The following MARCHF1 variants were observed in gnomAD, a reference collection of about 807,000 sequenced individuals.
The protein encoded by MARCHF1 is membrane associated ring-CH-type finger 1.
A neutral mutation model predicts 54.2 loss-of-function variants in MARCHF1; 40 were observed. The ratio of observed to expected loss-of-function variants is 0.74; its 90% confidence interval spans 0.57 to 0.96. The LOEUF (loss-of-function observed/expected upper bound fraction) is 0.96. Ranked by LOEUF, MARCHF1 falls within the 40% of genes least tolerant of loss-of-function variation. MARCHF1 has a pLI of 0.00. For missense variants in MARCHF1, 586 were observed against 656.5 expected, an observed-to-expected ratio of 0.89 and a Z score of 1.17; for synonymous variants, 236 against 236.3, an observed-to-expected ratio of 1.00 and a Z score of 0.01.
intron 1 of MARCHF1, among the ~76,000 whole-genome samples, chr4:164,117,705 G>A (rs1343221545): frequency 1.3e-5 from 2 of 151,978 alleles, no homozygotes; most frequent in Non-Finnish European, 2.9e-5. Context: ...TTCAAGACTA[G>A]CCTGGCCAAT....
chr4:163,866,731 TG>T (rs1750060852), intron 3 of MARCHF1, among the ~76,000 whole-genome samples: 1 of 151,584 alleles, frequency 6.6e-6, no homozygotes, highest in Admixed American at 6.6e-5. Flanking sequence ...CCCACAGCAC[TG>T]AGTTTTAATA....
intron 5 of MARCHF1, among the ~76,000 whole-genome samples, chr4:163,677,539 T>A (rs930626936): frequency 3.3e-5 from 5 of 152,196 alleles, no homozygotes; most frequent in African/African-American, 1.2e-4. Context: ...CTTTAAAATA[T>A]CTCTTCCCTA....
chr4:163,645,983 C>T (rs983595507), intron 5 of MARCHF1, among the ~76,000 whole-genome samples: 35 of 152,258 alleles, frequency 2.3e-4, no homozygotes, highest in African/African-American at 8.4e-4. Context: ...TGTCTGAAAA[C>T]TTTCTAAATC....
intron 1 of MARCHF1, among the ~76,000 whole-genome samples, chr4:164,157,262 A>C (rs966265780): frequency 6.6e-6 from 1 of 152,036 alleles, no homozygotes; most frequent in Admixed American, 6.6e-5. Flanking sequence ...TAAAATTAGC[A>C]CATTGGAAAG....
chr4:164,121,185 G>T (rs1756057993), intron 1 of MARCHF1, among the ~76,000 whole-genome samples: 1 of 152,042 alleles, frequency 6.6e-6, no homozygotes, highest in South Asian at 2.1e-4. Context: ...TGGCTACTAT[G>T]AGCAATTATC....
At chr4:163,889,116 A>C (rs898083650) in intron 3 of MARCHF1, among the ~76,000 whole-genome samples, 1 of 152,234 alleles carries the variant, frequency 6.6e-6, no homozygotes, top group African/African-American at 2.4e-5. Context: ...GAAGGAAAAC[A>C]GAACTTAAAT....
chr4:163,725,478 C>CAAAAAAAA (rs60252263), intron 4 of MARCHF1, among the ~76,000 whole-genome samples: 1 of 120,526 alleles, frequency 8.3e-6, no homozygotes. Context: ...ACACTATCTC[C>CAAAAAAAA]AAAAAAAAAA....
At chr4:164,255,736 G>A (rs531789467) in intron 1 of MARCHF1, among the ~76,000 whole-genome samples, 2 of 152,202 alleles carry the variant, frequency 1.3e-5, no homozygotes, top group African/African-American at 4.8e-5. Context: ...TATGTACCTT[G>A]TAGAATAGCC....
At chr4:164,198,609 C>T (rs72987736) in intron 1 of MARCHF1, among the ~76,000 whole-genome samples, 1,816 of 152,222 alleles carry the variant, frequency 0.012, 36 homozygotes, top group African/African-American at 0.042. Context: ...TGGAAAAACA[C>T]TCAGGAAGAA....
chr4:163,879,365 A>G (rs1431174647), intron 3 of MARCHF1, among the ~76,000 whole-genome samples: 3 of 152,222 alleles, frequency 2.0e-5, no homozygotes, highest in Non-Finnish European at 4.4e-5. Context: ...GTATAACTAC[A>G]GCTTTCATGG....
At chr4:164,059,557 T>C (rs952573431) in intron 2 of MARCHF1, among the ~76,000 whole-genome samples, 16 of 152,276 alleles carry the variant, frequency 1.1e-4, no homozygotes, top group African/African-American at 3.8e-4. Context: ...CTTACCTATA[T>C]AGGAGGCATC....
intron 9 of MARCHF1, among the ~76,000 whole-genome samples, chr4:163,534,346 G>A (rs756412468): frequency 2.0e-5 from 3 of 152,044 alleles, no homozygotes; most frequent in Non-Finnish European, 4.4e-5. Context: ...GGAAGAAGAT[G>A]CCTTTTCACA....
In MARCHF1 at chr4:164,282,348, A is replaced by G. The variant is rs143902495; in HGVS notation, c.-323+101522T>C. On this transcript the variant is annotated intron_variant, in intron 1 of 9. Coordinates refer to ENST00000514618, the MANE Select transcript of MARCHF1 (RefSeq NM_001394959.1). Reference sequence around the variant, plus strand: ...GACTTTGCTCAAAACTTTCAACTTTATCAACCTACACTTGGAGTCTCAGTT... The same window carrying G: ...GACTTTGCTCAAAACTTTCAACTTTGTCAACCTACACTTGGAGTCTCAGTT... 3.0e-3 allele frequency among the ~76,000 whole-genome samples: 448 copies of G among 151,028 alleles called. 18 individuals are homozygous for G. The highest frequency in any genetic ancestry group is 0.01 in the African/African-American group (422 of 41,206).
At chr4:163,589,851 C>T (rs1378808046) in intron 7 of MARCHF1, among the ~76,000 whole-genome samples, 2 of 152,080 alleles carry the variant, frequency 1.3e-5, no homozygotes, top group Non-Finnish European at 2.9e-5. Context: ...ACATTGGTAT[C>T]TGTCACCTAG....
At chr4:163,806,870 C>A (rs533934604) in intron 4 of MARCHF1, among the ~76,000 whole-genome samples, 1 of 151,966 alleles carries the variant, frequency 6.6e-6, no homozygotes, top group South Asian at 2.1e-4. Context: ...ATTGCTCAAC[C>A]AACTACATTC....
intron 3 of MARCHF1, among the ~76,000 whole-genome samples, chr4:163,929,918 AATAT>A (rs1204182762): frequency 5.6e-5 from 6 of 107,556 alleles, no homozygotes; most frequent in African/African-American, 1.8e-4. Context: ...AAATATATAT[AATAT>A]ATATAATATA....
At chr4:164,189,695 C>T (rs1239587361) in intron 1 of MARCHF1, 1 of 983,472 alleles carries the variant, frequency 1.0e-6, no homozygotes, top group African/African-American at 1.6e-5. Context: ...CCAAGGAACA[C>T]AGTGGTACCT....
intron 5 of MARCHF1, 67 bp from the exon 6 acceptor site, chr4:163,613,460 T>A (rs1348113611): frequency 1.2e-6 from 2 of 1,612,704 alleles, no homozygotes; most frequent in Non-Finnish European, 1.7e-6. Context: ...TCTTGCTTTT[T>A]TTCCACATAT....
chr4:164,213,885 T>C (rs1731851745), intron 1 of MARCHF1, among the ~76,000 whole-genome samples: 3 of 152,020 alleles, frequency 2.0e-5, no homozygotes, highest in Admixed American at 6.6e-5. Flanking sequence ...TTCATCTTAA[T>C]AAGAAATTAT....
Sources: gnomAD v4.1 joint callset for allele counts (sites outside exome capture counted in the v4.1 genomes callset) on GRCh38, gnomAD v4.1.1 for gene constraint, MANE v1.5 for transcripts, NCBI Gene and HGNC (gene_info 2026-07-23, HGNC 2026-07-21) for gene names.